RANBP17: variants seen among roughly 807,000 people sequenced by gnomAD.
RANBP17 encodes RAN binding protein 17.
RANBP17 carries 158 observed loss-of-function variants against 141.2 expected under a neutral mutation model. The ratio of observed to expected loss-of-function variants is 1.12; its 90% CI spans 0.98 to 1.28. The LOEUF (loss-of-function observed/expected upper bound fraction) is 1.28. Ranked by LOEUF, RANBP17 falls within the 50% of genes most tolerant of loss-of-function variation. The pLI is 0.00. For missense variants in RANBP17, 1,438 were observed against 1,290.7 expected, an observed-to-expected ratio of 1.11 and a Z score of -1.75; for synonymous variants, 430 against 450.0, an observed-to-expected ratio of 0.96 and a Z score of 0.56.
chr5:171,286,297 G>A (rs1323118957), intron 25 of RANBP17, among the ~76,000 whole-genome samples: 4 of 152,152 alleles, frequency 2.6e-5, no homozygotes, highest in East Asian at 1.9e-4. Context: ...GACTAGCATT[G>A]TGCAAAGAAC....
chr5:171,252,019 TAGA>T (rs1371618281), intron 24 of RANBP17: 1 of 1,607,226 alleles, frequency 6.2e-7, no homozygotes, highest in East Asian at 2.2e-5. Flanking sequence ...AGTTCTTGCA[TAGA>T]AGAGTCAACC....
intron 22 of RANBP17, among the ~76,000 whole-genome samples, chr5:171,238,422 A>T (rs1764674394): frequency 6.6e-6 from 1 of 151,946 alleles, no homozygotes; most frequent in African/African-American, 2.4e-5. Flanking sequence ...TCCTTTACAG[A>T]TTTTTTTTCC....
At chr5:170,923,299 A>G (rs1374912299) in intron 11 of RANBP17, among the ~76,000 whole-genome samples, 1 of 152,166 alleles carries the variant, frequency 6.6e-6, no homozygotes, top group Non-Finnish European at 1.5e-5. Flanking sequence ...ACTTTTGTCA[A>G]AAATTAATTT....
intron 14 of RANBP17, among the ~76,000 whole-genome samples, chr5:171,087,440 G>A (rs1337706124): frequency 2.0e-5 from 3 of 152,172 alleles, no homozygotes; most frequent in Non-Finnish European, 4.4e-5. Context: ...TGTATATTCT[G>A]TTGATTTGGG....
At chr5:170,874,511 T>C (rs972933447) in intron 1 of RANBP17, among the ~76,000 whole-genome samples, 7 of 152,236 alleles carry the variant, frequency 4.6e-5, no homozygotes, top group Non-Finnish European at 8.8e-5. Flanking sequence ...ATCTGGATGC[T>C]CCTGCATCGG....
At chr5:171,046,084 A>G (rs1452367627) in intron 14 of RANBP17, among the ~76,000 whole-genome samples, 1 of 152,162 alleles carries the variant, frequency 6.6e-6, no homozygotes, top group Admixed American at 6.5e-5. Context: ...AGCAACACTA[A>G]TATCAGTTTT....
rs138410491 is a variant in RANBP17 at position 171,190,146 on chromosome 5, T to C, written c.2038+6716T>C. Among the ~76,000 whole-genome samples, 1,153 of 152,292 alleles carry C rather than the reference T, an allele frequency of 7.6e-3. 15 individuals carry two copies. The highest frequency in any genetic ancestry group is 0.026 in the African/African-American group (1,091 of 41,566). The stretch of plus-strand genomic sequence containing the variant: ...CCTACAAAAATAAATTGAAAATGTC[T>C]TGTGTATAAGCCATGCACATTGGAG... On this transcript the variant is annotated intron_variant, in intron 18 of 27. Coordinates refer to ENST00000523189, the MANE Select transcript of RANBP17 (RefSeq NM_022897.5).
At chr5:171,171,020 A>T (rs886962993) in intron 15 of RANBP17, among the ~76,000 whole-genome samples, 186 bp from the exon 16 acceptor site, 1 of 152,128 alleles carries the variant, frequency 6.6e-6, no homozygotes, top group Non-Finnish European at 1.5e-5. Flanking sequence ...AGCAATATTC[A>T]TTGCAGATTG....
At chr5:171,093,515 T>A (rs1786465295) in intron 14 of RANBP17, among the ~76,000 whole-genome samples, 1 of 152,210 alleles carries the variant, frequency 6.6e-6, no homozygotes. Context: ...GTAGCTTATG[T>A]AAGAGGGAAG....
intron 25 of RANBP17, among the ~76,000 whole-genome samples, chr5:171,285,321 A>G (rs1044631865): frequency 3.9e-5 from 6 of 152,212 alleles, no homozygotes; most frequent in Admixed American, 6.5e-5. Context: ...AGAGGCTGGT[A>G]TAGGCCATTA....
intron 14 of RANBP17, among the ~76,000 whole-genome samples, chr5:171,038,736 A>G (rs1313610005): frequency 6.6e-6 from 1 of 152,006 alleles, no homozygotes; most frequent in South Asian, 2.1e-4. Flanking sequence ...ATCTATTGAG[A>G]TGATTTGTTT....
At chr5:170,895,138 A>G (rs1770008243) in intron 4 of RANBP17, among the ~76,000 whole-genome samples, 1 of 152,186 alleles carries the variant, frequency 6.6e-6, no homozygotes, top group South Asian at 2.1e-4. Flanking sequence ...AAGGCCATAA[A>G]TAATTAAAAT....
At chr5:170,917,422 C>T (rs1389677417) in intron 9 of RANBP17, among the ~76,000 whole-genome samples, 3 of 152,088 alleles carry the variant, frequency 2.0e-5, no homozygotes, top group African/African-American at 7.2e-5. Context: ...TGGGTGCTTA[C>T]ATAAAATATT....
At chr5:171,057,864 A>G (rs1454222874) in intron 14 of RANBP17, among the ~76,000 whole-genome samples, 1 of 152,128 alleles carries the variant, frequency 6.6e-6, no homozygotes, top group African/African-American at 2.4e-5. Flanking sequence ...AACTGCCCCC[A>G]TGATCCAATT....
At chr5:171,143,217 C>G (rs1329949830) in intron 14 of RANBP17, 2 of 152,140 alleles carry the variant, frequency 1.3e-5, no homozygotes, top group African/African-American at 4.8e-5. Flanking sequence ...GATGACAGAA[C>G]AAAGGAATTT....
chr5:171,142,542 A>G (rs1757776810), intron 14 of RANBP17, among the ~76,000 whole-genome samples: 2 of 152,174 alleles, frequency 1.3e-5, no homozygotes, highest in Non-Finnish European at 2.9e-5. Flanking sequence ...TTTTTCAGTT[A>G]TAATTCAAGT....
At chr5:171,117,238 G>A (rs916434991) in intron 14 of RANBP17, among the ~76,000 whole-genome samples, 1 of 152,064 alleles carries the variant, frequency 6.6e-6, no homozygotes, top group Admixed American at 6.6e-5. Flanking sequence ...GTAGTATTTT[G>A]AGGAACCTCC....
chr5:170,895,927 C>A, intron 4 of RANBP17, 123 bp from the exon 5 acceptor site: 3 of 461,068 alleles, frequency 6.5e-6, no homozygotes, highest in South Asian at 8.6e-5. Context: ...ATTTTGTTTC[C>A]ATTTTATTAT....
rs78518030 is a variant in RANBP17, at chr5:171,042,217, T to C, written c.1710+73840T>C. ...TTATATTTTTCATAGATCCTAGGCCTATACAGGGTCAGGATCAGCAAGACA... is the reference window on the plus strand; with the variant it reads ...TTATATTTTTCATAGATCCTAGGCCCATACAGGGTCAGGATCAGCAAGACA... On this transcript the variant is annotated intron_variant, in intron 14 of 27. Transcript: ENST00000523189. Among the ~76,000 whole-genome samples, 15 of 152,236 alleles carry C rather than the reference T, an allele frequency of 9.9e-5. No individual in the cohort carries two copies. The East Asian group carries it at 2.9e-3, about 29-fold the overall frequency.
Sources: gnomAD v4.1 joint callset for allele counts (sites outside exome capture counted in the v4.1 genomes callset) on GRCh38, gnomAD v4.1.1 for gene constraint, MANE v1.5 for transcripts, NCBI Gene and HGNC (gene_info 2026-07-23, HGNC 2026-07-21) for gene names.